COPA: variants seen among roughly 807,000 people sequenced by gnomAD.
The protein encoded by COPA is coatomer subunit alpha.
A neutral mutation model predicts 158.7 loss-of-function variants in COPA; 10 were observed. The observed-to-expected ratio is 0.06, with a 90% CI of 0.04 to 0.11. The LOEUF (loss-of-function observed/expected upper bound fraction) is 0.11, where lower values mean the gene tolerates loss of function less well. Among genes scored for constraint, COPA ranks in the 10% least tolerant of loss-of-function variants. The pLI is 1.00. For synonymous variants in COPA, 462 were observed against 542.8 expected (o/e 0.85, Z 2.07); for missense variants, 1,065 against 1,536.7 (o/e 0.69, Z 5.13).
chr1:160,293,046 A>G (rs560903930), intron 27 of COPA, 120 bp downstream of exon 27: 1 of 1,034,994 alleles, frequency 9.7e-7, no homozygotes, highest in East Asian at 2.4e-5. Flanking sequence ...AAGAGTTTTC[A>G]TGAAAAATAT....
chr1:160,291,984 A>G lies in COPA; in HGVS notation c.3147+28T>C, dbSNP rs538920435. On this transcript the variant is annotated intron_variant, in intron 29 of 32. Transcript: ENST00000241704. The stretch of plus-strand genomic sequence containing the variant: ...GAGACAAGAATGTGGAAGTGCCCAG[A>G]ACTGGGACAGCGGCTAGACCCTCCT... 5.1e-5 allele frequency: 83 copies of G among 1,614,168 alleles called. No individual in the cohort carries two copies. The East Asian group carries it at 1.6e-3, about 31-fold the overall frequency.
At chr1:160,292,232 G>A in intron 28 of COPA, 34 bp from the exon 29 acceptor site, 2 of 1,596,372 alleles carry the variant, frequency 1.3e-6, no homozygotes, top group Non-Finnish European at 1.7e-6. Flanking sequence ...AGACAGGATA[G>A]TCAGTAGGCA....
At chr1:160,324,834 G>C (rs950482009) in intron 7 of COPA, among the ~76,000 whole-genome samples, 1 of 152,122 alleles carries the variant, frequency 6.6e-6, no homozygotes, top group Non-Finnish European at 1.5e-5. Flanking sequence ...AGACCAAAAA[G>C]TTTAAGAACT....
intron 13 of COPA, among the ~76,000 whole-genome samples, chr1:160,307,666 G>A (rs1320569873): frequency 6.6e-6 from 1 of 152,224 alleles, no homozygotes. Context: ...AGACTTCCTA[G>A]TAGGGCAGGG....
intron 19 of COPA, 62 bp from the exon 20 acceptor site, chr1:160,297,807 T>G: frequency 6.6e-7 from 1 of 1,523,602 alleles, no homozygotes; most frequent in Non-Finnish European, 8.9e-7. Context: ...AACCAAGGAC[T>G]CTGCAAAGCA....
In COPA at chr1:160,313,150, A is replaced by G; in HGVS notation, c.860T>C (p.Phe287Ser). Residue 287 changes from phenylalanine to serine, a missense_variant, in exon 10 of 33, where the codon TTC becomes TCC. Phe to Ser is a radical substitution (Grantham distance 155, BLOSUM62 -2). Transcript: ENST00000241704. ...CCAGAAACGATCATGGTCTCTGCGG[A>G]AAGTCTGAACCCCAGTCCTAGAAAA... ...DMSKRTGVQT[F>S]RRDHDRFWVL... The G allele has an allele frequency of 1.2e-6, 2 of 1,614,186 alleles. No homozygotes were observed. The highest frequency in any genetic ancestry group is 1.7e-6 in the Non-Finnish European group (2 of 1,180,022).
intron 8 of COPA, among the ~76,000 whole-genome samples, chr1:160,319,448 A>T (rs760605104): frequency 6.6e-6 from 1 of 151,238 alleles, no homozygotes; most frequent in East Asian, 1.9e-4. Flanking sequence ...AGGAGAGCTA[A>T]TACCCCACTC....
chr1:160,306,083 T>C (rs2101837197), intron 15 of COPA, among the ~76,000 whole-genome samples: 1 of 152,334 alleles, frequency 6.6e-6, no homozygotes, highest in Middle Eastern at 3.4e-3. Flanking sequence ...TATTAATCTC[T>C]GTCTCTCTCT....
rs372637241 is a variant in COPA at position 160,305,526 on chromosome 1, T to A, written c.1574A>T (p.His525Leu). 3 of 1,614,186 alleles carry A rather than the reference T, an allele frequency of 1.9e-6. No homozygotes were observed. The highest frequency in any genetic ancestry group is 1.7e-6 in the Non-Finnish European group (2 of 1,180,040). Residue 525 changes from histidine (H) to leucine (L), a missense_variant, in exon 17 of 33, where the codon CAT becomes CTT. His to Leu is a moderately conservative substitution (Grantham distance 99). Around this residue, in one of 2 missense-constraint regions of COPA, gnomAD observed 980 missense variants for 1,357.8 expected, o/e 0.72. Transcript: ENST00000241704. ...CCCACTCTTGACACGAATGTTCTCA[T>A]GAATGTTACATAAAGCATCCAGTTT... is the stretch of plus-strand genomic sequence containing the variant. ...NRKLDALCNI[H>L]ENIRVKSGAW...
At chr1:160,335,809 G>C (rs1426555028) in intron 3 of COPA, among the ~76,000 whole-genome samples, 1 of 145,908 alleles carries the variant, frequency 6.9e-6, no homozygotes, top group African/African-American at 2.6e-5. Context: ...CTTGAACTCA[G>C]GATACAAGAG....
chr1:160,335,427 G>T, intron 3 of COPA, 105 bp from the exon 4 acceptor site: 81 of 774,460 alleles, frequency 1.0e-4, no homozygotes, highest in Non-Finnish European at 1.4e-4. Context: ...TATAAATATA[G>T]ATTTATATAC....
chr1:160,294,406 G>T, intron 25 of COPA, 78 bp downstream of exon 25: 2 of 1,245,894 alleles, frequency 1.6e-6, no homozygotes, highest in Non-Finnish European at 2.4e-6. Flanking sequence ...CCTGAGGATA[G>T]TGGTAGGGGA....
At position 160,320,350 on chromosome 1, in the gene COPA, C is replaced by T. The variant is rs530892420; in HGVS notation, c.706+3081G>A. Among the ~76,000 whole-genome samples, 12 of 152,146 alleles carry T rather than the reference C, an allele frequency of 7.9e-5. No individual in the cohort carries two copies. The South Asian group carries it at 2.3e-3, about 29-fold the overall frequency. On this transcript the variant is annotated intron_variant, in intron 8 of 32. Transcript: ENST00000241704. ...CGAGGCCAGGGATGGTGGCCCACGTCTGTAATCCCAGCACTTTGGGAGGTG... is the reference window on the plus strand; with the variant it reads ...CGAGGCCAGGGATGGTGGCCCACGTTTGTAATCCCAGCACTTTGGGAGGTG...
intron 9 of COPA, among the ~76,000 whole-genome samples, chr1:160,313,714 C>A (rs1278718341): frequency 1.3e-5 from 2 of 152,160 alleles, no homozygotes; most frequent in East Asian, 3.9e-4. Context: ...CGCCCGGCCT[C>A]ATTCCGCATT....
At chr1:160,326,156 GT>G (rs2101863836) in intron 6 of COPA, 1 of 157,242 alleles carries the variant, frequency 6.4e-6, no homozygotes, top group South Asian at 1.9e-4. Context: ...GGAACAAGGA[GT>G]TCAATCTGTA....
intron 8 of COPA, among the ~76,000 whole-genome samples, chr1:160,319,299 A>G (rs1035258681): frequency 2.0e-5 from 3 of 152,062 alleles, no homozygotes; most frequent in Non-Finnish European, 2.9e-5. Context: ...GAAGGTCACT[A>G]TATAATGATA....
At chr1:160,293,302 T>G in intron 26 of COPA, 68 bp from the exon 27 acceptor site, 2 of 1,610,274 alleles carry the variant, frequency 1.2e-6, no homozygotes, top group Non-Finnish European at 1.7e-6. Flanking sequence ...TCTGTAACTA[T>G]AGTAGAAAAG....
rs10714948 is a variant in COPA, at chr1:160,309,742, C to CT, written c.1143+449dup. 3.8e-3 allele frequency among the ~76,000 whole-genome samples: 501 copies of CT among 131,250 alleles called. 2 individuals carry two copies. The highest frequency in any genetic ancestry group is 8.1e-3 in the African/African-American group (290 of 35,786). 86.1% of individuals were successfully genotyped at this position (131,250 alleles called of 152,430 possible). On this transcript the variant is annotated intron_variant, in intron 12 of 32. Transcript: ENST00000241704. ...GGGCACTAAAATTAGAATGTCATTT[C>CT]TTTTTTTTTTTTTTTTGCAAATTCT...
chr1:160,335,355 T>C (rs1250543275), intron 3 of COPA, 33 bp from the exon 4 acceptor site: 2 of 1,577,648 alleles, frequency 1.3e-6, no homozygotes, highest in East Asian at 2.3e-5. Context: ...GAAACAGAAA[T>C]AGTTATTGAG....
Sources: gnomAD v4.1 joint callset for allele counts (sites outside exome capture counted in the v4.1 genomes callset) on GRCh38, gnomAD v4.1.1 for gene constraint, gnomAD v4.1.1 regional missense constraint, MANE v1.5 for transcripts, NCBI Gene and HGNC (gene_info 2026-07-23, HGNC 2026-07-21) for gene names.